The following TMEM44 variants were observed in gnomAD, a reference collection of about 807,000 sequenced individuals.
The protein encoded by TMEM44 is transmembrane protein 44.
TMEM44 carries 43 observed loss-of-function variants against 47.8 expected under a neutral mutation model. The observed-to-expected ratio is 0.90, with a 90% CI of 0.70 to 1.16. The LOEUF is 1.16. Among genes scored for constraint, TMEM44 ranks in the 50% most tolerant of loss-of-function variants. The pLI is 0.00. For missense variants in TMEM44, 568 were observed against 555.2 expected (o/e 1.02, Z -0.23); for synonymous variants, 277 against 238.8 (o/e 1.16, Z -1.48).
chr3:194,622,268 C>T (rs1228753613), intron 5 of TMEM44, among the ~76,000 whole-genome samples: 3 of 152,244 alleles, frequency 2.0e-5, no homozygotes, highest in Non-Finnish European at 2.9e-5. Context: ...GGTAACGTGA[C>T]GCCTCCCCAC....
chr3:194,632,583 T>C (rs965497841), intron 1 of TMEM44, among the ~76,000 whole-genome samples: 1 of 152,140 alleles, frequency 6.6e-6, no homozygotes, highest in African/African-American at 2.4e-5. Flanking sequence ...GGACTTTGGG[T>C]AAACTGAGGC....
At chr3:194,623,474 G>A (rs1486323214) in intron 4 of TMEM44, 55 bp downstream of exon 4, 5 of 1,532,888 alleles carry the variant, frequency 3.3e-6, no homozygotes, top group Non-Finnish European at 4.4e-6. Context: ...CCCACCCTGG[G>A]CATTTGGCAG....
intron 5 of TMEM44, chr3:194,617,716 T>G (rs1716084309): frequency 1.4e-6 from 1 of 704,072 alleles, no homozygotes; most frequent in African/African-American, 1.7e-5. Flanking sequence ...TGGGATGGTT[T>G]GGACATTTGT....
At chr3:194,589,260 A>G (rs1712277492) in intron 9 of TMEM44, 1 of 152,586 alleles carries the variant, frequency 6.6e-6, no homozygotes, top group Non-Finnish European at 1.5e-5. Context: ...TCAGCCTCCC[A>G]AAGTGCTCAG....
In TMEM44 at chr3:194,617,773, G is replaced by T. The variant is rs758828615; in HGVS notation, c.613-504C>A. On this transcript the variant is annotated intron_variant, in intron 5 of 9. Coordinates refer to ENST00000347147, the MANE Select transcript of TMEM44 (RefSeq NM_001011655.3). ...GTCGTAATCCCCAGTGTCGGAGGTG[G>T]GGCCTGGTGGGAGGTGGTTGGGTCA... 57 of 702,992 alleles carry T rather than the reference G, an allele frequency of 8.1e-5. 1 individual carries two copies. The South Asian group carries it at 8.3e-4, about 10-fold the overall frequency. The allele number at this position is 702,992 out of a possible 1,614,324, so 43.5% of individuals were successfully genotyped here. A position where few individuals can be genotyped will look rare whatever the true frequency, so the allele number is the denominator to read the frequency against.
Position 194,625,961 on chromosome 3 carries a change from A to G in TMEM44, c.294T>C (p.Ile98=). 6.2e-7 allele frequency: 1 copy of G among 1,613,818 alleles called. No individual in the cohort carries two copies. The highest frequency in any genetic ancestry group is 8.5e-7 in the Non-Finnish European group (1 of 1,179,754). ...QVFTGAYLAA[I]DLVNFMFILF... is the part of the protein sequence containing the mutation. ...GAATGAACATAAAGTTCACTAAGTC[A>G]ATAGCTGCTAGGTAGGCACCAGTGA... is the stretch of plus-strand genomic sequence containing the variant. The change falls in exon 3 of 10, where the codon ATT becomes ATC. Residue 98 remains isoleucine (I), a synonymous_variant. Transcript: ENST00000347147.
At chr3:194,632,260 A>G (rs182741158) in intron 1 of TMEM44, among the ~76,000 whole-genome samples, 1 of 152,324 alleles carries the variant, frequency 6.6e-6, no homozygotes, top group African/African-American at 2.4e-5. Context: ...AGTACTGGGT[A>G]GTGGGGCTGC....
chr3:194,625,548 TC>T (rs1409297053), intron 3 of TMEM44, among the ~76,000 whole-genome samples: 1 of 152,042 alleles, frequency 6.6e-6, no homozygotes, highest in Non-Finnish European at 1.5e-5. Flanking sequence ...TGGTGCGATC[TC>T]AGCTCACTGC....
intron 8 of TMEM44, among the ~76,000 whole-genome samples, chr3:194,608,992 G>A (rs1225088286): frequency 6.6e-6 from 1 of 152,224 alleles, no homozygotes; most frequent in Non-Finnish European, 1.5e-5. Flanking sequence ...TCAAGACCTA[G>A]TTTAAATAAG....
At chr3:194,608,090 A>T (rs917871992) in intron 8 of TMEM44, among the ~76,000 whole-genome samples, 2 of 152,228 alleles carry the variant, frequency 1.3e-5, no homozygotes, top group Non-Finnish European at 2.9e-5. Context: ...TTCCCAGTGC[A>T]AAGCTTTGGC....
At chr3:194,630,862 T>C (rs1577236609) in intron 1 of TMEM44, among the ~76,000 whole-genome samples, 1 of 144,156 alleles carries the variant, frequency 6.9e-6, no homozygotes, top group African/African-American at 2.6e-5. Context: ...TACGCTGTCG[T>C]ACCTGCCTCC....
chr3:194,589,640 GT>G (rs1712358989), intron 9 of TMEM44: 1 of 152,214 alleles, frequency 6.6e-6, no homozygotes, highest in Non-Finnish European at 1.5e-5. Context: ...GGTTTGGGAA[GT>G]TGAAATTTGC....
At position 194,611,021 on chromosome 3, in the gene TMEM44, CT is replaced by C. The variant is rs755492613; in HGVS notation, c.913-2del. The C allele has an allele frequency of 1.9e-6, 3 of 1,613,522 alleles. No individual in the cohort carries two copies. The highest frequency in any genetic ancestry group is 2.5e-6 in the Non-Finnish European group (3 of 1,179,630). On this transcript the variant is annotated splice_acceptor_variant, in intron 7 of 9. Transcript: ENST00000347147. LOFTEE classifies it high-confidence loss of function. The surrounding 1 kb of genome is among the most constrained non-coding windows in gnomAD (Gnocchi z 4.2). The stretch of plus-strand genomic sequence containing the variant: ...TGGTGAGAGGCACCCAATCCAAATT[CT>C]TGCAAGTAGAGGCAGGGAGACAGAA...
intron 7 of TMEM44, among the ~76,000 whole-genome samples, chr3:194,613,120 C>T (rs981526716): frequency 1.3e-5 from 2 of 152,158 alleles, no homozygotes; most frequent in African/African-American, 4.8e-5. Flanking sequence ...GGTGGCATGA[C>T]ATAATTGTAA....
At chr3:194,593,951 C>G (rs1389735376) in intron 9 of TMEM44, among the ~76,000 whole-genome samples, 1 of 152,120 alleles carries the variant, frequency 6.6e-6, no homozygotes, top group Non-Finnish European at 1.5e-5. Context: ...GCTGGGACTA[C>G]AGGTGTGTAC....
chr3:194,592,228 A>C (rs28445411), intron 9 of TMEM44, among the ~76,000 whole-genome samples: 27 of 104,956 alleles, frequency 2.6e-4, no homozygotes, highest in Middle Eastern at 5.1e-3. Flanking sequence ...CCGTCTCAAA[A>C]AAAAAAAAAA....
chr3:194,616,495 G>T lies in TMEM44; in HGVS notation c.783+604C>A, dbSNP rs1050675902. On this transcript the variant is annotated intron_variant, in intron 6 of 9. Transcript: ENST00000347147. ...CACGAAGATACACAAAGGGAAGAAG[G>T]CCACATGAAGGGCAAGGCAGAAATG... The T allele has an allele frequency of 1.6e-5, 7 of 442,592 alleles. No homozygotes were observed. In the East Asian group the frequency reaches 3.5e-4, roughly 22 times the overall value. 27.4% of individuals were successfully genotyped at this position (442,592 alleles called of 1,614,324 possible). A position where few individuals can be genotyped will look rare whatever the true frequency, so the allele number is the denominator to read the frequency against.
At chr3:194,605,158 A>C (rs1205238630) in intron 8 of TMEM44, among the ~76,000 whole-genome samples, 2 of 120,618 alleles carry the variant, frequency 1.7e-5, no homozygotes, top group Non-Finnish European at 3.3e-5. Context: ...GTATCTATCT[A>C]TGTATCTATT....
Position 194,633,074 on chromosome 3 carries a change from A to G in TMEM44, c.137+5T>C. The G allele has an allele frequency of 6.8e-7, 1 of 1,461,192 alleles. No homozygotes were observed. The highest frequency in any genetic ancestry group is 9.2e-7 in the Non-Finnish European group (1 of 1,086,258). 90.5% of individuals were successfully genotyped at this position (1,461,192 alleles called of 1,614,324 possible). A position where few individuals can be genotyped will look rare whatever the true frequency, so the allele number is the denominator to read the frequency against. On this transcript the variant is annotated splice_donor_5th_base_variant and intron_variant, in intron 1 of 9. Transcript: ENST00000347147. ...CGACAGCCCCCCGACCCGTGGCCCC[A>G]TTACAGCGCGTGGGCGGCGATCCAG...
Sources: allele counts gnomAD v4.1 joint callset (sites outside exome capture counted in the v4.1 genomes callset), GRCh38; gene constraint gnomAD v4.1.1; non-coding constraint Gnocchi (gnomAD v3.1); transcripts MANE v1.5; gene names NCBI Gene and HGNC (gene_info 2026-07-23, HGNC 2026-07-21).